Variants in SLC13A1 observed in about 807,000 individuals in gnomAD.
The protein encoded by SLC13A1 is solute carrier family 13 member 1.
A neutral mutation model predicts 70.0 loss-of-function variants in SLC13A1; 65 were observed. That is an observed-to-expected ratio of 0.93 (90% confidence interval 0.76 to 1.14). The LOEUF (loss-of-function observed/expected upper bound fraction) is 1.14, where lower values mean the gene tolerates loss of function less well. Ranked by LOEUF, SLC13A1 falls within the 50% of genes most tolerant of loss-of-function variation. SLC13A1 has a pLI of 0.00. For synonymous variants in SLC13A1, 275 were observed against 250.5 expected, an observed-to-expected ratio of 1.10 and a Z score of -0.92; for missense variants, 726 against 717.8, an observed-to-expected ratio of 1.01 and a Z score of -0.13.
At chr7:123,139,210 AAAT>A (rs1292602909) in intron 7 of SLC13A1, among the ~76,000 whole-genome samples, 7 of 152,232 alleles carry the variant, frequency 4.6e-5, no homozygotes, top group Non-Finnish European at 1.0e-4. Flanking sequence ...CCTTTGTCGA[AAAT>A]GAGTTCACTG....
intron 1 of SLC13A1, among the ~76,000 whole-genome samples, chr7:123,191,833 A>G (rs1796006496): frequency 6.6e-6 from 1 of 152,200 alleles, no homozygotes; most frequent in African/African-American, 2.4e-5. Flanking sequence ...AAACTCTATC[A>G]GAGTATATAT....
rs767754459 is a variant in SLC13A1, at chr7:123,143,722, G to T, written c.812+3437C>A. Among the ~76,000 whole-genome samples the T allele has an allele frequency of 1.7e-4, 26 of 152,090 alleles. 1 individual carries two copies. The highest frequency in any genetic ancestry group is 2.9e-4 in the Non-Finnish European group (20 of 68,026). ...CACCTGATTTTTGGTCCTTATGAAG[G>T]TGCTTTTCTGTATGTAGATAGATGT... On this transcript the variant is annotated intron_variant, in intron 7 of 14. Coordinates refer to ENST00000194130, the MANE Select transcript of SLC13A1 (RefSeq NM_022444.4).
intron 6 of SLC13A1, among the ~76,000 whole-genome samples, chr7:123,155,381 C>A (rs1480070043): frequency 1.3e-5 from 2 of 151,606 alleles, no homozygotes; most frequent in African/African-American, 4.8e-5. Flanking sequence ...TTTTTGCCTT[C>A]TTGATTCTCT....
chr7:123,162,775 G>A (rs921154775), intron 6 of SLC13A1, among the ~76,000 whole-genome samples: 1 of 151,942 alleles, frequency 6.6e-6, no homozygotes, highest in Non-Finnish European at 1.5e-5. Flanking sequence ...AATTTTTGGA[G>A]AACATTAAAA....
At position 123,125,754 on chromosome 7, in the gene SLC13A1, A is replaced by G. The variant is rs1049452192; in HGVS notation, c.1134-79T>C. ...CTAAAACACCAATTTTGCTAATAACATATCAGTAATAGGTTATTATCAGTA... is the reference window on the plus strand; with the variant it reads ...CTAAAACACCAATTTTGCTAATAACGTATCAGTAATAGGTTATTATCAGTA... On this transcript the variant is annotated intron_variant, in intron 10 of 14. Coordinates refer to ENST00000194130, the MANE Select transcript of SLC13A1 (RefSeq NM_022444.4). 28 of 937,178 alleles carry G rather than the reference A, an allele frequency of 3.0e-5. No individual in the cohort carries two copies. In the African/African-American group the frequency reaches 3.6e-4, roughly 12 times the overall value. The allele number at this position is 937,178 out of a possible 1,614,324, so 58.1% of individuals were successfully genotyped here.
chr7:123,150,811 T>C (rs1794528640), intron 6 of SLC13A1, among the ~76,000 whole-genome samples: 1 of 152,132 alleles, frequency 6.6e-6, no homozygotes, highest in Non-Finnish European at 1.5e-5. Context: ...TCTCTGCCTG[T>C]TTTTCTGTCT....
At chr7:123,134,664 T>A in intron 7 of SLC13A1, 135 bp from the exon 8 acceptor site, 1 of 694,284 alleles carries the variant, frequency 1.4e-6, no homozygotes, top group Non-Finnish European at 2.3e-6. Flanking sequence ...TACTCATCAT[T>A]AAATAGAGTA....
At chr7:123,178,290 A>G (rs991861478) in intron 2 of SLC13A1, among the ~76,000 whole-genome samples, 3 of 152,078 alleles carry the variant, frequency 2.0e-5, no homozygotes, top group African/African-American at 7.2e-5. Flanking sequence ...TAAAGTTATA[A>G]CTGTGATGGC....
intron 8 of SLC13A1, among the ~76,000 whole-genome samples, chr7:123,130,958 T>TA (rs532637650): frequency 6.6e-6 from 1 of 152,148 alleles, no homozygotes; most frequent in Non-Finnish European, 1.5e-5. Context: ...TGGAGACTTT[T>TA]AAAAAAATTC....
intron 8 of SLC13A1, among the ~76,000 whole-genome samples, chr7:123,133,352 G>A (rs1793831565): frequency 6.6e-6 from 1 of 152,008 alleles, no homozygotes; most frequent in African/African-American, 2.4e-5. Context: ...AAGCCCTATA[G>A]GTCACAGTGT....
rs145173665 is a variant in SLC13A1 at position 123,154,302 on chromosome 7, A to G, written c.661-6992T>C. 2.6e-5 allele frequency among the ~76,000 whole-genome samples: 4 copies of G among 152,254 alleles called. No individual in the cohort carries two copies. In the East Asian group the frequency reaches 7.7e-4, roughly 29 times the overall value. On this transcript the variant is annotated intron_variant, in intron 6 of 14. Transcript: ENST00000194130. ...ATTCAATCCCTTCTGTCTACCATAC[A>G]TGTGGAGTATGCCTTCCACATCTTC...
intron 13 of SLC13A1, 60 bp downstream of exon 13, chr7:123,119,021 A>C (rs1314695730): frequency 6.9e-7 from 1 of 1,449,200 alleles, no homozygotes. Flanking sequence ...GAAAACCAGC[A>C]TTCCGAAGCA....
At chr7:123,140,468 C>A (rs2116374969) in intron 7 of SLC13A1, among the ~76,000 whole-genome samples, 1 of 152,040 alleles carries the variant, frequency 6.6e-6, no homozygotes, top group Non-Finnish European at 1.5e-5. Context: ...AGTATTCCCT[C>A]CTATATTTTT....
chr7:123,156,389 A>G (rs1300777099), intron 6 of SLC13A1, among the ~76,000 whole-genome samples: 1 of 151,678 alleles, frequency 6.6e-6, no homozygotes, highest in Non-Finnish European at 1.5e-5. Context: ...ACATTTCAAA[A>G]TTAAAGAAAT....
At chr7:123,177,416 C>G (rs1031510789) in intron 2 of SLC13A1, among the ~76,000 whole-genome samples, 1 of 152,006 alleles carries the variant, frequency 6.6e-6, no homozygotes, top group Non-Finnish European at 1.5e-5. Flanking sequence ...CCAAATTATC[C>G]TTTTTAAAAT....
rs1434432778 is a variant in SLC13A1, at chr7:123,168,514, G to A, written c.601C>T (p.Pro201Ser). ...EINERKEKTK[P>S]VPGYNNDTGK... Reference sequence around the variant, plus strand: ...GTCAGTATTCCTTACCCTGGAACTGGTTTTGTTTTCTCTTTCCTCTCATTT... The same window carrying A: ...GTCAGTATTCCTTACCCTGGAACTGATTTTGTTTTCTCTTTCCTCTCATTT... The change falls in exon 5 of 15, where the codon CCA becomes TCA. Residue 201 changes from proline to serine, a missense_variant. Coordinates refer to ENST00000194130, the MANE Select transcript of SLC13A1 (RefSeq NM_022444.4). 1.2e-6 allele frequency: 2 copies of A among 1,610,482 alleles called. No individual in the cohort carries two copies. Among genetic ancestry groups the A allele is most frequent in the East Asian group, 2.2e-5 (1 of 44,654 alleles).
intron 7 of SLC13A1, among the ~76,000 whole-genome samples, chr7:123,143,460 G>A (rs1037427441): frequency 2.0e-4 from 30 of 152,048 alleles, no homozygotes; most frequent in African/African-American, 7.0e-4. Context: ...ATGCTCCCTT[G>A]GTGTGTGGGC....
intron 1 of SLC13A1, among the ~76,000 whole-genome samples, chr7:123,195,498 C>A (rs1372408296): frequency 6.6e-6 from 1 of 151,918 alleles, no homozygotes; most frequent in Admixed American, 6.6e-5. Context: ...CTTTGACCAA[C>A]TTCTCGACCT....
At chr7:123,131,653 C>T (rs1320393) in intron 8 of SLC13A1, among the ~76,000 whole-genome samples, 91,836 of 151,910 alleles carry the variant, frequency 0.6, 27,955 homozygotes, top group African/African-American at 0.67. Flanking sequence ...GCCAGGGGAG[C>T]GGCTGATAAT....
Sources: allele counts gnomAD v4.1 joint callset (sites outside exome capture counted in the v4.1 genomes callset), GRCh38; gene constraint gnomAD v4.1.1; transcripts MANE v1.5; gene names NCBI Gene and HGNC (gene_info 2026-07-23, HGNC 2026-07-21).